The following GCKR variants were observed in gnomAD, a reference collection of about 807,000 sequenced individuals.
The protein encoded by GCKR is glucokinase regulator.
A neutral mutation model predicts 82.9 loss-of-function variants in GCKR; 73 were observed. That is an observed-to-expected ratio of 0.88 (90% confidence interval 0.73 to 1.07). The LOEUF (loss-of-function observed/expected upper bound fraction) is 1.07, where lower values mean the gene tolerates loss of function less well. Among genes scored for constraint, GCKR ranks in the 50% least tolerant of loss-of-function variants. GCKR has a pLI of 0.00. For synonymous variants in GCKR, 294 were observed against 291.8 expected (o/e 1.01, Z -0.08); for missense variants, 784 against 782.1 (o/e 1.00, Z -0.03).
intron 16 of GCKR, chr2:27,509,496 T>C (rs1038568868): frequency 6.8e-6 from 3 of 441,932 alleles, no homozygotes; most frequent in Admixed American, 4.8e-5. Flanking sequence ...CTCACCACCA[T>C]GACTGGCTAA....
chr2:27,509,775 C>CAA (rs11295580), intron 16 of GCKR: 46,571 of 124,488 alleles, frequency 0.37, 8,627 homozygotes, highest in South Asian at 0.43. Context: ...CTACCATCTT[C>CAA]AAAAAAAAAA....
At chr2:27,502,997 G>A (rs974234730) in intron 8 of GCKR, among the ~76,000 whole-genome samples, 3 of 152,192 alleles carry the variant, frequency 2.0e-5, no homozygotes, top group Non-Finnish European at 4.4e-5. Flanking sequence ...TTTACTCAAG[G>A]AATGTTCAAC....
chr2:27,507,661 C>G lies in GCKR; in HGVS notation c.1144-20C>G, dbSNP rs760565498. 2 of 1,350,864 alleles carry G rather than the reference C, an allele frequency of 1.5e-6. No homozygotes were observed. The highest frequency in any genetic ancestry group is 3.3e-5 in the Admixed American group (2 of 59,718). 83.7% of individuals were successfully genotyped at this position (1,350,864 alleles called of 1,614,324 possible). On this transcript the variant is annotated intron_variant, in intron 13 of 18. Coordinates refer to ENST00000264717, the MANE Select transcript of GCKR (RefSeq NM_001486.4). Reference sequence around the variant, plus strand: ...AGAGTGTTTTCATGGGAGGGACCCTCCCATCTTCTTCTGCCCCAGGGTCCC... The same window carrying G: ...AGAGTGTTTTCATGGGAGGGACCCTGCCATCTTCTTCTGCCCCAGGGTCCC...
In GCKR at chr2:27,497,599, A is replaced by AG. The variant is rs751678505; in HGVS notation, c.256dup (p.Val86GlyfsTer37). 1 of 1,612,826 alleles carries AG rather than the reference A, an allele frequency of 6.2e-7. No individual in the cohort carries two copies. On this transcript the variant is annotated frameshift_variant, in exon 3 of 19. Transcript: ENST00000264717. LOFTEE classifies it high-confidence loss of function. ...GAATCCATTCTGACCACCATGGTAC[A>AG]GGTGGCTGGGAAAGTTCAGGAAGTG...
intron 16 of GCKR, among the ~76,000 whole-genome samples, chr2:27,512,942 A>AT (rs1012268125): frequency 6.6e-5 from 10 of 152,156 alleles, no homozygotes; most frequent in Non-Finnish European, 1.5e-4. Context: ...TTCAGGTTAA[A>AT]TTTTTTGGCA....
At chr2:27,514,549 A>T (rs2148589972) in intron 16 of GCKR, among the ~76,000 whole-genome samples, 1 of 152,298 alleles carries the variant, frequency 6.6e-6, no homozygotes, top group African/African-American at 2.4e-5. Context: ...ATATTCTGAA[A>T]ATCACTCCAT....
At chr2:27,501,756 T>G (rs1397621494) in intron 8 of GCKR, 1 of 471,366 alleles carries the variant, frequency 2.1e-6, no homozygotes, top group Non-Finnish European at 4.4e-6. Flanking sequence ...GAGCCCCTCA[T>G]TACCAAATCA....
chr2:27,504,550 G>T (rs1669663072), intron 9 of GCKR, among the ~76,000 whole-genome samples: 1 of 151,724 alleles, frequency 6.6e-6, no homozygotes, highest in Admixed American at 6.6e-5. Flanking sequence ...TAGACAGCCT[G>T]TTGGCCAGGC....
chr2:27,498,650 T>A, intron 4 of GCKR, 74 bp from the exon 5 acceptor site: 1 of 909,900 alleles, frequency 1.1e-6, no homozygotes, highest in Non-Finnish European at 1.9e-6. Context: ...GTCTCTGCCC[T>A]CTAGGAGTTG....
intron 9 of GCKR, among the ~76,000 whole-genome samples, chr2:27,503,966 A>C (rs1669645424): frequency 6.6e-6 from 1 of 152,222 alleles, no homozygotes; most frequent in African/African-American, 2.4e-5. Context: ...TACATTTTAA[A>C]TATGGGCTTT....
At position 27,497,361 on chromosome 2, in the gene GCKR, A is replaced by C; in HGVS notation, c.178A>C (p.Ile60Leu). 6.2e-7 allele frequency: 1 copy of C among 1,614,188 alleles called. No individual in the cohort carries two copies. Among genetic ancestry groups the C allele is most frequent in the Non-Finnish European group, 8.5e-7 (1 of 1,180,038 alleles). The change falls in exon 2 of 19, where the codon ATC becomes CTC. Residue 60 changes from isoleucine (I) to leucine (L), a missense_variant. Ile to Leu is a conservative substitution (Grantham distance 5, BLOSUM62 2). Coordinates refer to ENST00000264717, the MANE Select transcript of GCKR (RefSeq NM_001486.4). The stretch of plus-strand genomic sequence containing the variant: ...ACTGCTAGGGCAATGTGATGCTGAG[A>C]TCTTCCAGGAGGAGGGGCAAGCCCT... ...VRLLGQCDAEIFQEEGQALST... is the reference protein window; with the variant it reads ...VRLLGQCDAELFQEEGQALST...
chr2:27,519,770 G>T (rs1670106975), intron 17 of GCKR, among the ~76,000 whole-genome samples: 1 of 152,204 alleles, frequency 6.6e-6, no homozygotes, highest in Non-Finnish European at 1.5e-5. Context: ...GCATGTCCCT[G>T]AAGCAATCAC....
chr2:27,500,542 G>A (rs960534359), intron 7 of GCKR, among the ~76,000 whole-genome samples: 1 of 152,178 alleles, frequency 6.6e-6, no homozygotes, highest in African/African-American at 2.4e-5. Flanking sequence ...AGACCATAGG[G>A]CCCACAAACC....
intron 9 of GCKR, among the ~76,000 whole-genome samples, chr2:27,504,394 G>A (rs919699338): frequency 7.8e-6 from 1 of 128,724 alleles, no homozygotes; most frequent in Non-Finnish European, 1.6e-5. Flanking sequence ...TCTTGCTCTT[G>A]TCACCCAGGC....
At chr2:27,507,647 A>G (rs1572866404) in intron 13 of GCKR, 34 bp from the exon 14 acceptor site, 2 of 1,181,220 alleles carry the variant, frequency 1.7e-6, no homozygotes, top group African/African-American at 3.0e-5. Context: ...GAGTGTTTTC[A>G]TGGGAGGGAC....
Position 27,522,594 on chromosome 2 carries a change from G to A in GCKR, c.1707G>A (p.Gln569=). The A allele has an allele frequency of 1.2e-6, 2 of 1,612,568 alleles. No individual in the cohort carries two copies. Among genetic ancestry groups the A allele is most frequent in the Admixed American group, 1.7e-5 (1 of 60,018 alleles). The change falls in exon 18 of 19, where the codon CAG becomes CAA. Residue 569 remains glutamine, a splice_region_variant and synonymous_variant. Coordinates refer to ENST00000264717, the MANE Select transcript of GCKR (RefSeq NM_001486.4). ...CHVQVAHEKE[Q]VIPIALLSLL... ...TCCAGGTTGCACATGAGAAGGAACAGGTATCCTGCCCACTGCTGGTCATTC... is the reference window on the plus strand; with the variant it reads ...TCCAGGTTGCACATGAGAAGGAACAAGTATCCTGCCCACTGCTGGTCATTC...
intron 17 of GCKR, among the ~76,000 whole-genome samples, chr2:27,519,358 G>T (rs1382478187): frequency 2.0e-5 from 3 of 151,012 alleles, no homozygotes; most frequent in Non-Finnish European, 4.4e-5. Flanking sequence ...CTGGAGTATA[G>T]CGGTGCTATT....
intron 1 of GCKR, 81 bp from the exon 2 acceptor site, chr2:27,497,163 G>A (rs1669433612): frequency 6.5e-7 from 1 of 1,533,716 alleles, no homozygotes; most frequent in Admixed American, 1.7e-5. Flanking sequence ...CTCTGTGCCT[G>A]CTGCCACTCC....
chr2:27,508,002 AGTGGAGCAG>A lies in GCKR; in HGVS notation c.1270_1278del (p.Glu424_Val426del). 6.2e-7 allele frequency: 1 copy of A among 1,613,378 alleles called. No homozygotes were observed. ...ACAACCTCACGGAGGTGCAGACTAT[AGTGGAGCAG>A]GTGAAAGAGAAGACCAACCACATCC... On this transcript the variant is annotated inframe_deletion, in exon 15 of 19. Coordinates refer to ENST00000264717, the MANE Select transcript of GCKR (RefSeq NM_001486.4).
Sources: gnomAD v4.1 joint callset for allele counts (sites outside exome capture counted in the v4.1 genomes callset) on GRCh38, gnomAD v4.1.1 for gene constraint, MANE v1.5 for transcripts, NCBI Gene and HGNC (gene_info 2026-07-23, HGNC 2026-07-21) for gene names.